Variants in EPB41L4A observed in about 807,000 individuals in gnomAD.
The protein encoded by EPB41L4A is erythrocyte membrane protein band 4.1 like 4A, also known as band 4.1-like protein 4A.
A neutral mutation model predicts 108.6 loss-of-function variants in EPB41L4A; 100 were observed. The observed-to-expected ratio is 0.92, with a 90% CI of 0.78 to 1.09. EPB41L4A has a LOEUF of 1.09. Among genes scored for constraint, EPB41L4A ranks in the 50% least tolerant of loss-of-function variants. The probability of loss-of-function intolerance (pLI) is 0.00; values close to 1 mark genes in which losing one functional copy is unlikely to be tolerated. For synonymous variants in EPB41L4A, 319 were observed against 289.0 expected (o/e 1.10, Z -1.05); for missense variants, 1,030 against 842.7 (o/e 1.22, Z -2.75).
At chr5:112,418,774 C>G (rs1465075364) in intron 1 of EPB41L4A, among the ~76,000 whole-genome samples, 167 bp downstream of exon 1, 1 of 152,020 alleles carries the variant, frequency 6.6e-6, no homozygotes, top group Non-Finnish European at 1.5e-5. Flanking sequence ...GTTAACTCAC[C>G]CTGGTACGTC....
chr5:112,347,582 G>A (rs1757764530), intron 1 of EPB41L4A, among the ~76,000 whole-genome samples: 1 of 152,172 alleles, frequency 6.6e-6, no homozygotes, highest in Non-Finnish European at 1.5e-5. Context: ...ATGAAAACTT[G>A]CTTTTAGATG....
In EPB41L4A at chr5:112,204,437, G is replaced by T. The variant is rs985593685; in HGVS notation, c.1314C>A (p.Tyr438Ter). Residue 438 changes from tyrosine (Y) to a stop codon, truncating the protein, a stop_gained, in exon 15 of 23, where the codon TAC becomes TAA. Transcript: ENST00000261486. LOFTEE classifies it high-confidence loss of function. Reference protein sequence around the residue: ...SDRTKSPKFPYTRRRNPSCGS... With the variant: ...SDRTKSPKFP ...CACAGGAGGGGTTTCGGCGACGCGTGTAAGGGAACTTTGGCGACTTAGTGC... is the reference window on the plus strand; with the variant it reads ...CACAGGAGGGGTTTCGGCGACGCGTTTAAGGGAACTTTGGCGACTTAGTGC... The T allele has an allele frequency of 1.2e-5, 19 of 1,614,016 alleles. No individual in the cohort carries two copies. Among genetic ancestry groups the T allele is most frequent in the East Asian group, 2.2e-5 (1 of 44,880 alleles).
chr5:112,380,689 T>C (rs986757946), intron 1 of EPB41L4A, among the ~76,000 whole-genome samples: 1 of 152,110 alleles, frequency 6.6e-6, no homozygotes, highest in African/African-American at 2.4e-5. Context: ...TCTGATTATA[T>C]ATTACAAAGC....
At chr5:112,230,485 T>G (rs1254762520) in intron 12 of EPB41L4A, among the ~76,000 whole-genome samples, 1 of 152,234 alleles carries the variant, frequency 6.6e-6, no homozygotes, top group Non-Finnish European at 1.5e-5. Context: ...TCATTAGTGA[T>G]GTTGAGCATG....
At chr5:112,330,867 G>A (rs1756518527) in intron 1 of EPB41L4A, among the ~76,000 whole-genome samples, 1 of 152,152 alleles carries the variant, frequency 6.6e-6, no homozygotes, top group Non-Finnish European at 1.5e-5. Context: ...TTCGGAGACA[G>A]CAGTTAGGAG....
At chr5:112,284,814 T>C (rs1206439615) in intron 2 of EPB41L4A, among the ~76,000 whole-genome samples, 1 of 152,178 alleles carries the variant, frequency 6.6e-6, no homozygotes, top group East Asian at 1.9e-4. Flanking sequence ...AGCACTGATG[T>C]AACCCGGAGA....
At chr5:112,274,069 G>T (rs1020475403) in intron 4 of EPB41L4A, among the ~76,000 whole-genome samples, 1 of 151,770 alleles carries the variant, frequency 6.6e-6, no homozygotes, top group African/African-American at 2.4e-5. Flanking sequence ...CAGGAGGATT[G>T]CTAGAAGCCA....
intron 1 of EPB41L4A, among the ~76,000 whole-genome samples, chr5:112,318,359 G>C (rs1423263621): frequency 6.6e-6 from 1 of 152,166 alleles, no homozygotes; most frequent in African/African-American, 2.4e-5. Context: ...CTATTTTCAA[G>C]ACTAATTTAA....
chr5:112,266,162 A>G, intron 5 of EPB41L4A, 71 bp downstream of exon 5: 3 of 1,108,794 alleles, frequency 2.7e-6, no homozygotes, highest in Non-Finnish European at 3.9e-6. Flanking sequence ...TTTAGTATGT[A>G]AACTCCCTTT....
intron 1 of EPB41L4A, among the ~76,000 whole-genome samples, chr5:112,379,417 T>C (rs1306465716): frequency 6.6e-6 from 1 of 152,072 alleles, no homozygotes; most frequent in Non-Finnish European, 1.5e-5. Flanking sequence ...TCTAAAATCA[T>C]CCTTCCTAAG....
At chr5:112,200,561 C>T (rs915454899) in intron 15 of EPB41L4A, among the ~76,000 whole-genome samples, 4 of 152,120 alleles carry the variant, frequency 2.6e-5, no homozygotes, top group Non-Finnish European at 5.9e-5. Context: ...ACAACTTTGT[C>T]TAATGGCAGC....
At chr5:112,203,183 C>T (rs1213716625) in intron 15 of EPB41L4A, among the ~76,000 whole-genome samples, 1 of 151,954 alleles carries the variant, frequency 6.6e-6, no homozygotes, top group Non-Finnish European at 1.5e-5. Flanking sequence ...TGGAGAAACC[C>T]TATCCCTACT....
rs747088376 is a variant in EPB41L4A at position 112,266,335 on chromosome 5, AAG to A, written c.336-7_336-6del. 5 of 1,579,184 alleles carry A rather than the reference AAG, an allele frequency of 3.2e-6. No individual in the cohort carries two copies. Among genetic ancestry groups the A allele is most frequent in the Admixed American group, 3.6e-5 (2 of 54,984 alleles). On this transcript the variant is annotated splice_region_variant and splice_polypyrimidine_tract_variant and intron_variant, in intron 4 of 22. Coordinates refer to ENST00000261486, the MANE Select transcript of EPB41L4A (RefSeq NM_022140.5). ...ACCTGCAAGAAAAACTGATATCTAA[AAG>A]AGAAACAAAAAGAGAGATTAACGAT...
rs372370241 is a variant in EPB41L4A, at chr5:112,369,519, T to C, written c.99+49422A>G. On this transcript the variant is annotated intron_variant, in intron 1 of 22. Coordinates refer to ENST00000261486, the MANE Select transcript of EPB41L4A (RefSeq NM_022140.5). Reference sequence around the variant, plus strand: ...ATCCTATCTTATATGCTATGTATTCTATTCTTGGTCTTCACTCTCTCAATT... The same window carrying C: ...ATCCTATCTTATATGCTATGTATTCCATTCTTGGTCTTCACTCTCTCAATT... Among the ~76,000 whole-genome samples, 38 of 152,370 alleles carry C rather than the reference T, an allele frequency of 2.5e-4. 1 individual carries two copies. The East Asian group carries it at 5.0e-3, about 20-fold the overall frequency.
At chr5:112,313,087 A>G (rs1210386748) in intron 1 of EPB41L4A, among the ~76,000 whole-genome samples, 1 of 152,228 alleles carries the variant, frequency 6.6e-6, no homozygotes, top group East Asian at 1.9e-4. Flanking sequence ...AAAATGGGAA[A>G]AGTACACTAA....
At position 112,346,195 on chromosome 5, in the gene EPB41L4A, C is replaced by T. The variant is rs965114617; in HGVS notation, c.100-38705G>A. Among the ~76,000 whole-genome samples, 34 of 86,058 alleles carry T rather than the reference C, an allele frequency of 4.0e-4. 1 individual carries two copies. The highest frequency in any genetic ancestry group is 6.3e-4 in the African/African-American group (19 of 30,302). 56.5% of individuals were successfully genotyped at this position (86,058 alleles called of 152,430 possible). On this transcript the variant is annotated intron_variant, in intron 1 of 22. Transcript: ENST00000261486. ...GAAACACACCTGGTAGAAAAAAATT[C>T]TTTAAAGTTAGGTACATTGCATTTT...
At chr5:112,276,160 G>C (rs565231758) in intron 3 of EPB41L4A, among the ~76,000 whole-genome samples, 120 of 152,250 alleles carry the variant, frequency 7.9e-4, no homozygotes, top group Middle Eastern at 3.4e-3. Context: ...AATAAAATTA[G>C]GGACAATATT....
intron 1 of EPB41L4A, among the ~76,000 whole-genome samples, chr5:112,388,975 G>T (rs1246059114): frequency 2.6e-5 from 4 of 152,080 alleles, no homozygotes; most frequent in Non-Finnish European, 5.9e-5. Flanking sequence ...TGGTTTACAG[G>T]CCTCTAAAGC....
rs1281640178 is a variant in EPB41L4A at position 112,307,400 on chromosome 5, T to C, written c.190A>G (p.Arg64Gly). Residue 64 changes from arginine to glycine, a missense_variant, in exon 2 of 23, where the codon AGA becomes GGA. By Grantham distance (125) the Arg-to-Gly change is moderately radical (BLOSUM62 -2). Transcript: ENST00000261486. ...IDYFGLRYCD[R>G]SHQTYWLDPA... ...ACCTTACTCACCGTCTGATGGCTTC[T>C]GTCACAGTAACGTAGCCCAAAATAA... 6.2e-7 allele frequency: 1 copy of C among 1,610,542 alleles called. No homozygotes were observed. The highest frequency in any genetic ancestry group is 8.5e-7 in the Non-Finnish European group (1 of 1,176,980).
Sources: gnomAD v4.1 joint callset for allele counts (sites outside exome capture counted in the v4.1 genomes callset) on GRCh38, gnomAD v4.1.1 for gene constraint, MANE v1.5 for transcripts, NCBI Gene and HGNC (gene_info 2026-07-23, HGNC 2026-07-21) for gene names.